Variants in JAKMIP2 observed in about 807,000 individuals in gnomAD.
The protein encoded by JAKMIP2 is janus kinase and microtubule interacting protein 2, also known as janus kinase and microtubule-interacting protein 2.
In JAKMIP2, 25 loss-of-function variants were observed where a neutral mutation model predicts 115.0. The ratio of observed to expected loss-of-function variants is 0.22; its 90% CI spans 0.16 to 0.30. The LOEUF is 0.30. JAKMIP2 is among the 10% of genes least tolerant of loss of function. JAKMIP2 has a pLI of 1.00. For missense variants in JAKMIP2, 642 were observed against 957.6 expected, an observed-to-expected ratio of 0.67 and a Z score of 4.35; for synonymous variants, 334 against 343.6, an observed-to-expected ratio of 0.97 and a Z score of 0.31.
At chr5:147,728,537 T>A (rs879108269) in intron 1 of JAKMIP2, among the ~76,000 whole-genome samples, 4 of 152,216 alleles carry the variant, frequency 2.6e-5, no homozygotes, top group African/African-American at 9.6e-5. Flanking sequence ...AACTTACACG[T>A]ACTGAAACTA....
Position 147,612,258 on chromosome 5 carries a change from CT to C in JAKMIP2, c.2412+47del, listed in dbSNP as rs766310747. 5.7e-6 allele frequency: 7 copies of C among 1,232,184 alleles called. No individual in the cohort carries two copies. The Admixed American group carries it at 8.5e-5, about 15-fold the overall frequency. The allele number at this position is 1,232,184 out of a possible 1,614,324, so 76.3% of individuals were successfully genotyped here. A position where few individuals can be genotyped will look rare whatever the true frequency, so the allele number is the denominator to read the frequency against. On this transcript the variant is annotated intron_variant, in intron 20 of 21. Transcript: ENST00000616793. The stretch of plus-strand genomic sequence containing the variant: ...AATACAGTGAGCAAAATCAATATTG[CT>C]TTCTGATTAAACAAATAATAAGATA...
At chr5:147,755,538 G>A (rs10515592) in intron 1 of JAKMIP2, among the ~76,000 whole-genome samples, 28,049 of 152,074 alleles carry the variant, frequency 0.18, 3,247 homozygotes, top group Admixed American at 0.3. Flanking sequence ...AGTGATACAC[G>A]GATGTTAAAA....
chr5:147,730,433 G>A (rs372771069), intron 1 of JAKMIP2, among the ~76,000 whole-genome samples: 5 of 150,572 alleles, frequency 3.3e-5, no homozygotes, highest in East Asian at 2.0e-4. Flanking sequence ...ATGTGATATC[G>A]GATCATCTTG....
intron 1 of JAKMIP2, among the ~76,000 whole-genome samples, chr5:147,688,198 AT>A (rs1361708275): frequency 1.3e-5 from 2 of 152,198 alleles, no homozygotes; most frequent in African/African-American, 4.8e-5. Context: ...CATTATGAAG[AT>A]TTAACACAAG....
intron 2 of JAKMIP2, among the ~76,000 whole-genome samples, chr5:147,670,745 C>T (rs1057251821): frequency 3.3e-5 from 5 of 152,172 alleles, no homozygotes; most frequent in Non-Finnish European, 7.3e-5. Context: ...CTCAGTACAG[C>T]TGTGATGTGA....
intron 1 of JAKMIP2, among the ~76,000 whole-genome samples, chr5:147,681,620 C>A (rs1047400160): frequency 2.6e-5 from 4 of 152,074 alleles, no homozygotes; most frequent in Admixed American, 6.5e-5. Context: ...GTGTGCTAAG[C>A]AAGAGAGACA....
At chr5:147,745,099 C>T (rs2127005350) in intron 1 of JAKMIP2, among the ~76,000 whole-genome samples, 1 of 150,908 alleles carries the variant, frequency 6.6e-6, no homozygotes, top group East Asian at 2.0e-4. Flanking sequence ...GGCCTCAGCA[C>T]CTATTGTAGA....
chr5:147,664,999 C>G (rs1759222399), intron 2 of JAKMIP2, among the ~76,000 whole-genome samples: 1 of 152,080 alleles, frequency 6.6e-6, no homozygotes, highest in Admixed American at 6.6e-5. Context: ...AAAACAAAAC[C>G]CTAACATATA....
In JAKMIP2 at chr5:147,588,075, A is replaced by C. The variant is rs2126534348; in HGVS notation, c.*3632T>G. ...TTTTTTCAGCAAATTCTATTTCCTA[A>C]AAGTAGGGTGGCATTAAAGAAAAGT... is the stretch of plus-strand genomic sequence containing the variant. On this transcript the variant is annotated 3_prime_UTR_variant, in exon 22 of 22. Transcript: ENST00000616793. The C allele has an allele frequency of 6.6e-6, 1 of 152,270 alleles. No homozygotes were observed. Among genetic ancestry groups the C allele is most frequent in the African/African-American group, 2.4e-5 (1 of 41,562 alleles). The allele number at this position is 152,270 out of a possible 1,614,324, so 9.4% of individuals were successfully genotyped here. A position where few individuals can be genotyped will look rare whatever the true frequency, so the allele number is the denominator to read the frequency against.
At chr5:147,724,638 GCTCAAA>G (rs946306630) in intron 1 of JAKMIP2, among the ~76,000 whole-genome samples, 24 of 152,122 alleles carry the variant, frequency 1.6e-4, no homozygotes, top group Non-Finnish European at 3.2e-4. Context: ...AGGAGGCTCA[GCTCAAA>G]CTCAAACTCA....
At chr5:147,633,412 T>G (rs1368957759) in intron 12 of JAKMIP2, among the ~76,000 whole-genome samples, 1 of 152,334 alleles carries the variant, frequency 6.6e-6, no homozygotes, top group South Asian at 2.1e-4. Context: ...TACTCAGCTC[T>G]GCCTGAAAAT....
At chr5:147,735,685 A>G (rs1243064682) in intron 1 of JAKMIP2, among the ~76,000 whole-genome samples, 1 of 152,176 alleles carries the variant, frequency 6.6e-6, no homozygotes, top group African/African-American at 2.4e-5. Context: ...TCATCTTTCA[A>G]AAGTTTCCAC....
rs775347138 is a variant in JAKMIP2 at position 147,644,975 on chromosome 5, C to T, written c.958G>A (p.Glu320Lys). Residue 320 changes from glutamate to lysine, a missense_variant, in exon 6 of 22, where the codon GAA (glutamate) becomes AAA (lysine). Glu to Lys is a moderately conservative substitution (Grantham distance 56). Coordinates refer to ENST00000616793, the MANE Select transcript of JAKMIP2 (RefSeq NM_001270941.2). Reference protein sequence around the residue: ...NELLKRVRETEKQCKPLLERN... With the variant: ...NELLKRVRETKKQCKPLLERN... ...TCCAGGAGAGGTTTACATTGCTTTT[C>T]GGTTTCCCGCACACGTTTTAACTGG... 5 of 1,612,618 alleles carry T rather than the reference C, an allele frequency of 3.1e-6. No individual in the cohort carries two copies. Among genetic ancestry groups the T allele is most frequent in the Non-Finnish European group, 3.4e-6 (4 of 1,179,756 alleles).
intron 1 of JAKMIP2, among the ~76,000 whole-genome samples, chr5:147,759,456 C>G (rs1478133475): frequency 6.6e-6 from 1 of 152,048 alleles, no homozygotes; most frequent in Non-Finnish European, 1.5e-5. Flanking sequence ...ACTCTTCAGG[C>G]ACTGTTCTAG....
chr5:147,773,499 C>T (rs1156644669), intron 1 of JAKMIP2, among the ~76,000 whole-genome samples: 2 of 152,064 alleles, frequency 1.3e-5, no homozygotes, highest in African/African-American at 2.4e-5. Context: ...AAATGACCAG[C>T]GAGTGGCTAG....
At chr5:147,595,641 A>T (rs1755341162) in intron 21 of JAKMIP2, 1 of 400,418 alleles carries the variant, frequency 2.5e-6, no homozygotes, top group Non-Finnish European at 5.1e-6. Context: ...GGTCTCCATT[A>T]TGCAGAATTG....
At position 147,696,395 on chromosome 5, in the gene JAKMIP2, G is replaced by A. The variant is rs921525861; in HGVS notation, c.-148-24441C>T. On this transcript the variant is annotated intron_variant, in intron 1 of 21. Transcript: ENST00000616793. The stretch of plus-strand genomic sequence containing the variant: ...TTATAAGGGGCTTCCCCATTTGCTC[G>A]GCATTTCTCTCTGTGCCGCCATGCA... Among the ~76,000 whole-genome samples, 8 of 152,120 alleles carry A rather than the reference G, an allele frequency of 5.3e-5. 1 individual carries two copies. In the East Asian group the frequency reaches 7.7e-4, roughly 15 times the overall value.
At chr5:147,744,035 CT>C (rs1561572192) in intron 1 of JAKMIP2, among the ~76,000 whole-genome samples, 19 of 147,080 alleles carry the variant, frequency 1.3e-4, no homozygotes, top group Non-Finnish European at 2.5e-4. Flanking sequence ...TCCTTCCTTC[CT>C]TCCTTCCTTC....
intron 1 of JAKMIP2, among the ~76,000 whole-genome samples, chr5:147,719,862 T>C (rs539332135): frequency 6.6e-6 from 1 of 152,094 alleles, no homozygotes; most frequent in African/African-American, 2.4e-5. Context: ...AAAGTTAATA[T>C]TGTTATGTGT....
Sources: gnomAD v4.1 joint callset for allele counts (sites outside exome capture counted in the v4.1 genomes callset) on GRCh38, gnomAD v4.1.1 for gene constraint, MANE v1.5 for transcripts, NCBI Gene and HGNC (gene_info 2026-07-23, HGNC 2026-07-21) for gene names.